Variants in PHKA2 observed in about 807,000 individuals in gnomAD.
The protein encoded by PHKA2 is phosphorylase kinase regulatory subunit alpha 2.
Under a neutral mutation model 102.0 loss-of-function variants are expected in PHKA2, and 31 were observed. That is an observed-to-expected ratio of 0.30 (90% CI 0.23 to 0.41). The LOEUF (loss-of-function observed/expected upper bound fraction) is 0.41, where lower values mean the gene tolerates loss of function less well. Among genes scored for constraint, PHKA2 ranks in the 10% least tolerant of loss-of-function variants. PHKA2 has a pLI of 1.00. For missense variants in PHKA2, 858 were observed against 1,023.1 expected (o/e 0.84, Z 2.20); for synonymous variants, 455 against 416.2 (o/e 1.09, Z -1.13).
chrX:18,920,620 C>T (rs1050361237), intron 17 of PHKA2, among the ~76,000 whole-genome samples: 4 of 112,219 alleles, frequency 3.6e-5, no homozygotes, highest in Non-Finnish European at 7.5e-5. Context: ...TTATGAGTCC[C>T]TACCACGAAA....
intron 13 of PHKA2, among the ~76,000 whole-genome samples, chrX:18,926,799 G>A (rs1254116885): frequency 9.0e-6 from 1 of 111,671 alleles, no homozygotes; most frequent in Non-Finnish European, 1.9e-5. Context: ...TATTTATCAA[G>A]TGCCTTCATT....
At position 18,957,684 on chromosome X, in the gene PHKA2, C is replaced by T. The variant is rs1486926310; in HGVS notation, c.79-3272G>A. Among the ~76,000 whole-genome samples the T allele has an allele frequency of 6.6e-5, 7 of 106,788 alleles. No homozygotes were observed. The Admixed American group carries it at 7.1e-4, about 11-fold the overall frequency. The allele number at this position is 106,788 out of a possible 115,157, so 92.7% of individuals were successfully genotyped here. A position where few individuals can be genotyped will look rare whatever the true frequency, so the allele number is the denominator to read the frequency against. On this transcript the variant is annotated intron_variant, in intron 1 of 32. Transcript: ENST00000379942. ...CCCCTCATGTCAGCAATTCCACACA[C>T]TCCATATAACAGCCTCATATATACA... is the stretch of plus-strand genomic sequence containing the variant.
chrX:18,936,299 A>T, intron 10 of PHKA2, 149 bp from the exon 11 acceptor site: 1 of 488,181 alleles, frequency 2.0e-6, no homozygotes, highest in East Asian at 3.7e-5. Context: ...CAGCTCCAGG[A>T]GTGCAGGAGG....
intron 3 of PHKA2, among the ~76,000 whole-genome samples, chrX:18,952,209 G>C (rs1373094530): frequency 1.2e-5 from 1 of 82,380 alleles, no homozygotes; most frequent in Non-Finnish European, 2.4e-5. Context: ...AAAAAAAAAA[G>C]GCCAGGTGAA....
At chrX:18,911,330 C>T (rs759593342) in intron 19 of PHKA2, among the ~76,000 whole-genome samples, 3 of 111,504 alleles carry the variant, frequency 2.7e-5, no homozygotes, top group Non-Finnish European at 3.8e-5. Context: ...TGTGCCACCA[C>T]GCCTGGCTAA....
intron 15 of PHKA2, 102 bp from the exon 16 acceptor site, chrX:18,924,627 C>A (rs372537988): frequency 4.4e-5 from 35 of 796,294 alleles, no homozygotes; most frequent in East Asian, 3.8e-4. Flanking sequence ...TATTGCCAGG[C>A]AAGAGGCTCA....
chrX:18,959,327 T>C (rs2048831728), intron 1 of PHKA2, among the ~76,000 whole-genome samples: 1 of 112,347 alleles, frequency 8.9e-6, no homozygotes, highest in African/African-American at 3.2e-5. Flanking sequence ...CGGCTTTCAT[T>C]AGCATTATTT....
intron 26 of PHKA2, among the ~76,000 whole-genome samples, chrX:18,901,846 GT>G (rs1258194997): frequency 2.3e-4 from 24 of 104,399 alleles, no homozygotes; most frequent in Admixed American, 6.1e-4. Flanking sequence ...AGTGAGATAT[GT>G]TTTTTTTTTT....
chrX:18,981,687 C>T (rs974389045), intron 1 of PHKA2, among the ~76,000 whole-genome samples: 3 of 111,119 alleles, frequency 2.7e-5, no homozygotes, highest in Non-Finnish European at 5.7e-5. Context: ...GCAGGACCTT[C>T]AGGAAAGGGC....
At chrX:18,956,259 G>C (rs2048772530) in intron 1 of PHKA2, among the ~76,000 whole-genome samples, 1 of 111,970 alleles carries the variant, frequency 8.9e-6, no homozygotes, top group Non-Finnish European at 1.9e-5. Flanking sequence ...AGGAGGCAGA[G>C]ATTGCAGTGA....
chrX:18,940,002 G>A lies in PHKA2; in HGVS notation c.911C>T (p.Pro304Leu), dbSNP rs756085847. ...CRFLRDGYKT[P>L]REDPNRLHYD... ...ACAATATTTAAATACAACCTCTCTT[G>A]GAGTTTTATAACCATCTCGAAGGAA... is the stretch of plus-strand genomic sequence containing the variant. Residue 304 changes from proline to leucine, a missense_variant, in exon 9 of 33, where the codon CCA becomes CTA. Around this residue, in one of 2 missense-constraint regions of PHKA2, gnomAD observed 187 missense variants for 277.9 expected, o/e 0.67. Coordinates refer to ENST00000379942, the MANE Select transcript of PHKA2 (RefSeq NM_000292.3). 3.4e-6 allele frequency: 4 copies of A among 1,168,194 alleles called. No homozygotes were observed. Among genetic ancestry groups the A allele is most frequent in the Non-Finnish European group, 4.7e-6 (4 of 857,021 alleles).
At chrX:18,980,891 T>C (rs2049162376) in intron 1 of PHKA2, among the ~76,000 whole-genome samples, 1 of 111,669 alleles carries the variant, frequency 9.0e-6, no homozygotes, top group African/African-American at 3.3e-5. Context: ...CACAAAATGA[T>C]TTCTAACAAA....
At chrX:18,980,699 G>C (rs976168744) in intron 1 of PHKA2, among the ~76,000 whole-genome samples, 1 of 111,689 alleles carries the variant, frequency 9.0e-6, no homozygotes, top group Non-Finnish European at 1.9e-5. Context: ...CTCAGAGACC[G>C]GTGCCGGTGC....
chrX:18,913,940 C>T (rs1439584474), intron 19 of PHKA2, among the ~76,000 whole-genome samples: 1 of 111,877 alleles, frequency 8.9e-6, no homozygotes, highest in African/African-American at 3.3e-5. Context: ...TCCTGTAATC[C>T]CTCTTGAAGA....
intron 31 of PHKA2, chrX:18,894,662 A>G (rs2047500578): frequency 4.6e-6 from 2 of 432,075 alleles, no homozygotes; most frequent in Non-Finnish European, 8.1e-6. Flanking sequence ...TCCAGGGAGC[A>G]GGGACCATTT....
At chrX:18,902,854 G>C (rs886134275) in intron 26 of PHKA2, 1 of 112,221 alleles carries the variant, frequency 8.9e-6, no homozygotes, top group African/African-American at 3.2e-5. Flanking sequence ...GAGGTGGGAA[G>C]ACTGCTTGAG....
At chrX:18,919,719 AAAC>A (rs2048080612) in intron 18 of PHKA2, among the ~76,000 whole-genome samples, 2 of 101,205 alleles carry the variant, frequency 2.0e-5, no homozygotes, top group Non-Finnish European at 4.0e-5. Flanking sequence ...TCTCAAAAAC[AAAC>A]AACAACAAAA....
At chrX:18,907,865 G>A (rs758854529) in intron 22 of PHKA2, 35 bp downstream of exon 22, 1 of 1,199,888 alleles carries the variant, frequency 8.3e-7, no homozygotes, top group Non-Finnish European at 1.1e-6. Context: ...ACGAGCTAGT[G>A]AGCACACATG....
intron 19 of PHKA2, among the ~76,000 whole-genome samples, chrX:18,912,451 A>C (rs2047942561): frequency 9.0e-6 from 1 of 111,209 alleles, no homozygotes; most frequent in Non-Finnish European, 1.9e-5. Flanking sequence ...TTGTGTGTCT[A>C]AACATAGAAA....
Sources: gnomAD v4.1 joint callset for allele counts (sites outside exome capture counted in the v4.1 genomes callset) on GRCh38, gnomAD v4.1.1 for gene constraint, gnomAD v4.1.1 regional missense constraint, MANE v1.5 for transcripts, NCBI Gene and HGNC (gene_info 2026-07-23, HGNC 2026-07-21) for gene names.